Variants in CNTNAP2 observed in about 807,000 individuals in gnomAD.
The protein encoded by CNTNAP2 is contactin associated protein 2.
In CNTNAP2, 98 loss-of-function variants were observed where a neutral mutation model predicts 155.2. The observed-to-expected ratio is 0.63, with a 90% CI of 0.54 to 0.75. CNTNAP2 has a LOEUF of 0.75. Among genes scored for constraint, CNTNAP2 ranks in the 30% least tolerant of loss-of-function variants. The pLI, the probability that CNTNAP2 is intolerant of heterozygous loss-of-function variation, is 0.00. For synonymous variants in CNTNAP2, 651 were observed against 631.2 expected (o/e 1.03, Z -0.47); for missense variants, 1,727 against 1,688.1 (o/e 1.02, Z -0.40).
At chr7:146,348,873 A>G (rs910820474) in intron 1 of CNTNAP2, among the ~76,000 whole-genome samples, 10 of 149,718 alleles carry the variant, frequency 6.7e-5, no homozygotes, top group African/African-American at 2.4e-4. Context: ...TATTGTATAT[A>G]GTGCATAATT....
At chr7:146,527,828 A>C (rs1262200764) in intron 1 of CNTNAP2, among the ~76,000 whole-genome samples, 1 of 150,190 alleles carries the variant, frequency 6.7e-6, no homozygotes, top group Non-Finnish European at 1.5e-5. Flanking sequence ...AATCATTTAA[A>C]ATTGAAATTT....
intron 21 of CNTNAP2, among the ~76,000 whole-genome samples, chr7:148,283,502 G>A (rs941078961): frequency 2.0e-5 from 3 of 152,066 alleles, no homozygotes; most frequent in African/African-American, 7.2e-5. Context: ...TGCTTTTGTG[G>A]TTATTTGCAG....
intron 1 of CNTNAP2, among the ~76,000 whole-genome samples, chr7:146,497,287 C>T (rs1043202585): frequency 2.0e-5 from 3 of 152,094 alleles, no homozygotes; most frequent in East Asian, 1.9e-4. Context: ...TTCTGAAAAA[C>T]ATTTACTAGT....
chr7:146,809,312 A>T (rs1318693895), intron 2 of CNTNAP2, among the ~76,000 whole-genome samples: 1 of 152,144 alleles, frequency 6.6e-6, no homozygotes. Flanking sequence ...ATAATTAGCA[A>T]TATTGAACAC....
At chr7:147,728,210 A>C (rs1796677546) in intron 13 of CNTNAP2, among the ~76,000 whole-genome samples, 1 of 151,892 alleles carries the variant, frequency 6.6e-6, no homozygotes, top group Non-Finnish European at 1.5e-5. Context: ...CAATTCTTTC[A>C]GCTTAGTAAA....
At chr7:146,815,520 A>C in intron 2 of CNTNAP2, among the ~76,000 whole-genome samples, 1 of 152,274 alleles carries the variant, frequency 6.6e-6, no homozygotes, top group Non-Finnish European at 1.5e-5. Flanking sequence ...ACATGAATAC[A>C]TGTGAATATA....
At chr7:146,556,074 T>C (rs1350560853) in intron 1 of CNTNAP2, among the ~76,000 whole-genome samples, 1 of 152,232 alleles carries the variant, frequency 6.6e-6, no homozygotes, top group Non-Finnish European at 1.5e-5. Flanking sequence ...GCAACGTTTA[T>C]TGGATTCCAA....
chr7:147,706,870 G>A (rs868231925), intron 13 of CNTNAP2, among the ~76,000 whole-genome samples: 45 of 151,828 alleles, frequency 3.0e-4, no homozygotes, highest in African/African-American at 9.2e-4. Context: ...TCAAAAGACC[G>A]CTCTTAAAGT....
At chr7:146,909,234 A>G (rs1796220328) in intron 3 of CNTNAP2, among the ~76,000 whole-genome samples, 1 of 147,320 alleles carries the variant, frequency 6.8e-6, no homozygotes, top group Non-Finnish European at 1.5e-5. Flanking sequence ...ACAAGGAGGA[A>G]CTGGTACCAT....
chr7:147,804,240 ATAAT>A (rs1424347161), intron 13 of CNTNAP2, among the ~76,000 whole-genome samples: 5 of 152,178 alleles, frequency 3.3e-5, no homozygotes, highest in Non-Finnish European at 7.3e-5. Flanking sequence ...TCATAAATTG[ATAAT>A]TAATAGGTTC....
intron 12 of CNTNAP2, among the ~76,000 whole-genome samples, chr7:147,628,423 A>G (rs1795025636): frequency 6.6e-6 from 1 of 152,186 alleles, no homozygotes; most frequent in Non-Finnish European, 1.5e-5. Flanking sequence ...TTTTCAGACA[A>G]ACAAATGCTG....
At chr7:147,616,002 T>C (rs1370838634) in intron 12 of CNTNAP2, among the ~76,000 whole-genome samples, 2 of 152,076 alleles carry the variant, frequency 1.3e-5, no homozygotes, top group Non-Finnish European at 2.9e-5. Flanking sequence ...CAGTAAATGG[T>C]ACCATCATTT....
intron 1 of CNTNAP2, among the ~76,000 whole-genome samples, chr7:146,354,364 A>G (rs906635503): frequency 6.6e-6 from 1 of 150,716 alleles, no homozygotes; most frequent in Non-Finnish European, 1.5e-5. Flanking sequence ...TCTAATTATT[A>G]TTGTAGACAC....
At chr7:148,133,417 G>A (rs760308385) in intron 16 of CNTNAP2, among the ~76,000 whole-genome samples, 82 of 152,146 alleles carry the variant, frequency 5.4e-4, no homozygotes, top group South Asian at 6.2e-4. Context: ...AGCTGAGATC[G>A]CGCCACTGCA....
chr7:148,401,814 G>A (rs1799590320), intron 22 of CNTNAP2, among the ~76,000 whole-genome samples: 1 of 152,018 alleles, frequency 6.6e-6, no homozygotes, highest in African/African-American at 2.4e-5. Flanking sequence ...TAACCAGGAT[G>A]GTCTCGATCT....
At chr7:147,093,609 C>G (rs1314655852) in intron 4 of CNTNAP2, among the ~76,000 whole-genome samples, 1 of 152,066 alleles carries the variant, frequency 6.6e-6, no homozygotes, top group Non-Finnish European at 1.5e-5. Flanking sequence ...ACACTCATAC[C>G]GTAGCGTTCT....
At chr7:146,981,782 G>A (rs1343366821) in intron 3 of CNTNAP2, among the ~76,000 whole-genome samples, 4 of 152,074 alleles carry the variant, frequency 2.6e-5, no homozygotes, top group African/African-American at 7.2e-5. Context: ...AAAACAAAAC[G>A]ATTAGACTTA....
intron 13 of CNTNAP2, among the ~76,000 whole-genome samples, chr7:147,852,839 C>T (rs966538793): frequency 4.6e-5 from 7 of 152,084 alleles, no homozygotes; most frequent in Non-Finnish European, 8.8e-5. Context: ...TGGTTGAAAC[C>T]TAGACATTTA....
At chr7:147,228,600 A>G (rs1803602815) in intron 8 of CNTNAP2, among the ~76,000 whole-genome samples, 1 of 152,248 alleles carries the variant, frequency 6.6e-6, no homozygotes, top group South Asian at 2.1e-4. Flanking sequence ...GAAATATCTA[A>G]TCATATCATT....
Sources: gnomAD v4.1 joint callset for allele counts (sites outside exome capture counted in the v4.1 genomes callset) on GRCh38, gnomAD v4.1.1 for gene constraint, MANE v1.5 for transcripts, NCBI Gene and HGNC (gene_info 2026-07-23, HGNC 2026-07-21) for gene names.